Variants in SCAPER observed in about 807,000 individuals in gnomAD.
The protein encoded by SCAPER is S phase cyclin A-associated protein in the endoplasmic reticulum.
Under a neutral mutation model 182.2 loss-of-function variants are expected in SCAPER, and 98 were observed. That is an observed-to-expected ratio of 0.54 (90% confidence interval 0.46 to 0.64). SCAPER has a LOEUF of 0.64. SCAPER is among the 30% of genes least tolerant of loss of function. SCAPER has a pLI of 0.00. For missense variants in SCAPER, 1,432 were observed against 1,690.0 expected, an observed-to-expected ratio of 0.85 and a Z score of 2.68; for synonymous variants, 605 against 564.6, an observed-to-expected ratio of 1.07 and a Z score of -1.01.
intron 17 of SCAPER, among the ~76,000 whole-genome samples, chr15:76,723,370 A>AGGTGT (rs1176470146): frequency 1.3e-5 from 2 of 152,132 alleles, no homozygotes; most frequent in African/African-American, 4.8e-5. Flanking sequence ...ATTTTGGAAT[A>AGGTGT]GGTGTGGTGT....
At chr15:76,674,037 T>C (rs1435859209) in intron 20 of SCAPER, among the ~76,000 whole-genome samples, 1 of 151,800 alleles carries the variant, frequency 6.6e-6, no homozygotes, top group East Asian at 1.9e-4. Context: ...GTTCATTATC[T>C]TGAAAACTGG....
At chr15:76,730,672 A>G (rs541621399) in intron 16 of SCAPER, among the ~76,000 whole-genome samples, 458 of 152,236 alleles carry the variant, frequency 3.0e-3, no homozygotes, top group African/African-American at 0.011. Context: ...AACAAAATAC[A>G]AAGAGCTTAG....
At chr15:76,457,941 A>G (rs1040187526) in intron 25 of SCAPER, among the ~76,000 whole-genome samples, 1 of 151,796 alleles carries the variant, frequency 6.6e-6, no homozygotes, top group African/African-American at 2.4e-5. Context: ...TAGCATTTCT[A>G]GTAGTGCAGG....
rs938488092 is a variant in SCAPER at position 76,595,919 on chromosome 15, A to G, written c.2712-21635T>C. ...ATTAGAAGAACTGAGAAGCAAGAGC[A>G]AACAAATTCAAAAGCTAGCAGAAGA... is the stretch of plus-strand genomic sequence containing the variant. On this transcript the variant is annotated intron_variant, in intron 22 of 31. Transcript: ENST00000563290. 1.6e-5 allele frequency among the ~76,000 whole-genome samples: 2 copies of G among 121,554 alleles called. 1 individual carries two copies. Among genetic ancestry groups the G allele is most frequent in the Admixed American group, 1.9e-4 (2 of 10,680 alleles). The allele number at this position is 121,554 out of a possible 152,430, so 79.7% of individuals were successfully genotyped here.
At chr15:76,762,131 T>C (rs911110307) in intron 14 of SCAPER, among the ~76,000 whole-genome samples, 3 of 152,204 alleles carry the variant, frequency 2.0e-5, no homozygotes, top group African/African-American at 7.2e-5. Flanking sequence ...TGGAATAAGA[T>C]ATTCCTTCGT....
chr15:76,713,162 C>T (rs1455325158), intron 17 of SCAPER, among the ~76,000 whole-genome samples: 1 of 152,100 alleles, frequency 6.6e-6, no homozygotes, highest in Non-Finnish European at 1.5e-5. Context: ...GAAATAGGAA[C>T]ACTTTTACAC....
intron 26 of SCAPER, among the ~76,000 whole-genome samples, chr15:76,407,922 G>T (rs150942599): frequency 4.3e-4 from 65 of 151,852 alleles, no homozygotes; most frequent in African/African-American, 1.4e-3. Flanking sequence ...CAAATCCAAG[G>T]CATATTATTT....
At chr15:76,667,650 A>AAAAAAAAAAAAAAAAAAAAAAAC (rs2056702054) in intron 20 of SCAPER, among the ~76,000 whole-genome samples, 1 of 103,840 alleles carries the variant, frequency 9.6e-6, no homozygotes, top group African/African-American at 3.7e-5. Context: ...AAAAAAAAAA[A>AAAAAAAAAAAAAAAAAAAAAAAC]AAAAAAAAAA....
chr15:76,783,931 C>A (rs1021930908), intron 8 of SCAPER, among the ~76,000 whole-genome samples: 1 of 152,166 alleles, frequency 6.6e-6, no homozygotes, highest in Non-Finnish European at 1.5e-5. Context: ...CAATATCTCA[C>A]TGAATGGGCA....
At chr15:76,369,949 T>A (rs1441940440) in intron 29 of SCAPER, among the ~76,000 whole-genome samples, 1 of 152,226 alleles carries the variant, frequency 6.6e-6, no homozygotes, top group Non-Finnish European at 1.5e-5. Flanking sequence ...ACATCTCACC[T>A]GTAAGAAGTC....
chr15:76,861,696 G>A (rs183235598), intron 3 of SCAPER: 2 of 151,948 alleles, frequency 1.3e-5, no homozygotes, highest in Non-Finnish European at 2.9e-5. Context: ...CCTAATTATG[G>A]TAAATATGAT....
intron 22 of SCAPER, among the ~76,000 whole-genome samples, chr15:76,580,617 T>A (rs898088171): frequency 2.0e-5 from 3 of 152,028 alleles, no homozygotes; most frequent in Non-Finnish European, 4.4e-5. Flanking sequence ...TTGAAAATAT[T>A]ATAATGGAAA....
chr15:76,615,441 T>A (rs1046854002), intron 22 of SCAPER, among the ~76,000 whole-genome samples: 1 of 147,088 alleles, frequency 6.8e-6, no homozygotes, highest in Non-Finnish European at 1.5e-5. Context: ...CAAGAGTCCA[T>A]CTCAAAAACA....
intron 2 of SCAPER, among the ~76,000 whole-genome samples, chr15:76,881,334 G>A (rs1209441516): frequency 1.3e-5 from 2 of 152,186 alleles, no homozygotes; most frequent in South Asian, 2.1e-4. Flanking sequence ...GACCTCAAGT[G>A]AGCCAACTGG....
At chr15:76,856,544 CAT>C (rs1057057260) in intron 4 of SCAPER, among the ~76,000 whole-genome samples, 1 of 150,812 alleles carries the variant, frequency 6.6e-6, no homozygotes, top group African/African-American at 2.4e-5. Context: ...ACTTTTTTTA[CAT>C]ATATATGTAT....
At chr15:76,899,265 G>A (rs868421804) in intron 1 of SCAPER, among the ~76,000 whole-genome samples, 5 of 152,166 alleles carry the variant, frequency 3.3e-5, no homozygotes, top group African/African-American at 1.2e-4. Context: ...CTCAGGCTCC[G>A]GTGATTCTCC....
At chr15:76,772,906 T>TC (rs1363776663) in intron 9 of SCAPER, among the ~76,000 whole-genome samples, 1 of 151,618 alleles carries the variant, frequency 6.6e-6, no homozygotes, top group Non-Finnish European at 1.5e-5. Flanking sequence ...GCCATAAACC[T>TC]CCCCCCAGTT....
intron 7 of SCAPER, among the ~76,000 whole-genome samples, chr15:76,796,087 T>C (rs1442324490): frequency 6.6e-6 from 1 of 152,068 alleles, no homozygotes; most frequent in Non-Finnish European, 1.5e-5. Flanking sequence ...AAGACATAAA[T>C]ATGCATTAAT....
At chr15:76,461,302 T>C (rs2049152942) in intron 25 of SCAPER, among the ~76,000 whole-genome samples, 2 of 151,696 alleles carry the variant, frequency 1.3e-5, no homozygotes, top group African/African-American at 4.8e-5. Flanking sequence ...TCTACCAAGG[T>C]TTTCACTGTG....
Sources: gnomAD v4.1 joint callset for allele counts (sites outside exome capture counted in the v4.1 genomes callset) on GRCh38, gnomAD v4.1.1 for gene constraint, MANE v1.5 for transcripts, NCBI Gene and HGNC (gene_info 2026-07-23, HGNC 2026-07-21) for gene names.